MYO16: variants seen among roughly 807,000 people sequenced by gnomAD.
The protein encoded by MYO16 is unconventional myosin-XVI.
A neutral mutation model predicts 205.3 loss-of-function variants in MYO16; 94 were observed. The ratio of observed to expected loss-of-function variants is 0.46; its 90% CI spans 0.39 to 0.54. The LOEUF (loss-of-function observed/expected upper bound fraction) is 0.54, where lower values mean the gene tolerates loss of function less well. Among genes scored for constraint, MYO16 ranks in the 20% least tolerant of loss-of-function variants. The probability of loss-of-function intolerance (pLI) is 0.00; values close to 1 mark genes in which losing one functional copy is unlikely to be tolerated. For synonymous variants in MYO16, 988 were observed against 954.0 expected, an observed-to-expected ratio of 1.04 and a Z score of -0.66; for missense variants, 2,315 against 2,387.5, an observed-to-expected ratio of 0.97 and a Z score of 0.63.
At chr13:108,714,862 C>T (rs1883880099) in intron 3 of MYO16, among the ~76,000 whole-genome samples, 1 of 152,040 alleles carries the variant, frequency 6.6e-6, no homozygotes, top group South Asian at 2.1e-4. Context: ...GAAATAAAGC[C>T]ACACCACCAC....
At chr13:109,053,874 A>T (rs907451900) in intron 25 of MYO16, among the ~76,000 whole-genome samples, 1 of 152,074 alleles carries the variant, frequency 6.6e-6, no homozygotes, top group Non-Finnish European at 1.5e-5. Context: ...TGGCCCAATC[A>T]CTTCATTTTA....
chr13:109,036,453 T>A (rs1031539763), intron 23 of MYO16, among the ~76,000 whole-genome samples: 1 of 152,198 alleles, frequency 6.6e-6, no homozygotes, highest in African/African-American at 2.4e-5. Context: ...ATAATTTATC[T>A]TTTAATTGTA....
intron 2 of MYO16, among the ~76,000 whole-genome samples, chr13:108,689,899 G>C (rs1882824650): frequency 6.6e-6 from 1 of 152,158 alleles, no homozygotes; most frequent in Non-Finnish European, 1.5e-5. Context: ...CTAACAATTT[G>C]TAGTGGGAAC....
At chr13:109,187,312 T>C (rs1471864920) in intron 34 of MYO16, among the ~76,000 whole-genome samples, 1 of 152,182 alleles carries the variant, frequency 6.6e-6, no homozygotes, top group Non-Finnish European at 1.5e-5. Context: ...ATCAATTCTA[T>C]TGATTTTTTT....
intron 4 of MYO16, among the ~76,000 whole-genome samples, chr13:108,777,944 T>C (rs1886175877): frequency 6.6e-6 from 1 of 152,228 alleles, no homozygotes; most frequent in African/African-American, 2.4e-5. Context: ...CATTCAGTAG[T>C]TATTTCCTTT....
At chr13:108,510,686 A>G in the MYO16 span, among the ~76,000 whole-genome samples, 1 of 35,044 alleles carries the variant, frequency 2.9e-5, no homozygotes, top group Non-Finnish European at 5.2e-5. Flanking sequence ...ATGTGATCTC[A>G]TTGTTCAATT....
chr13:109,207,909 G>A lies in MYO16; in HGVS notation c.*1073G>A, dbSNP rs528569202. 1 of 152,316 alleles carries A rather than the reference G, an allele frequency of 6.6e-6. No homozygotes were observed. Among genetic ancestry groups the A allele is most frequent in the South Asian group, 2.1e-4 (1 of 4,824 alleles). The allele number at this position is 152,316 out of a possible 1,614,324, so 9.4% of individuals were successfully genotyped here. ...GGCTGTCGGAAAGTTCTGAGCAGTG[G>A]CTCCAGACCACCTTGTCTTGCTACT... On this transcript the variant is annotated 3_prime_UTR_variant, in exon 35 of 35. Transcript: ENST00000457511.
intron 32 of MYO16, among the ~76,000 whole-genome samples, chr13:109,149,381 A>G (rs1335735492): frequency 6.6e-6 from 1 of 152,066 alleles, no homozygotes; most frequent in Non-Finnish European, 1.5e-5. Context: ...AGGTGTTACC[A>G]TCCCTATTTA....
chr13:108,853,891 G>A (rs1174420359), intron 10 of MYO16, among the ~76,000 whole-genome samples: 9 of 151,116 alleles, frequency 6.0e-5, no homozygotes, highest in Non-Finnish European at 1.3e-4. Flanking sequence ...ATTCTAACTA[G>A]AGTTCATAAA....
At chr13:108,906,703 A>G (rs1009113442) in intron 15 of MYO16, among the ~76,000 whole-genome samples, 1 of 152,230 alleles carries the variant, frequency 6.6e-6, no homozygotes, top group African/African-American at 2.4e-5. Context: ...GAAGGACACT[A>G]GAATAGTGTA....
intron 2 of MYO16, 80 bp downstream of exon 2, chr13:108,666,229 G>GGA: frequency 7.0e-7 from 1 of 1,422,090 alleles, no homozygotes; most frequent in Non-Finnish European, 9.4e-7. Flanking sequence ...TTTTTTTGAT[G>GGA]GAGAGATGGG....
At chr13:109,086,666 G>T (rs1291974559) in intron 27 of MYO16, among the ~76,000 whole-genome samples, 1 of 152,176 alleles carries the variant, frequency 6.6e-6, no homozygotes, top group East Asian at 1.9e-4. Context: ...AATAGTGAAA[G>T]TAAGTCATCA....
At chr13:108,572,880 A>G in the MYO16 span, among the ~76,000 whole-genome samples, 41 of 152,284 alleles carry the variant, frequency 2.7e-4, no homozygotes, top group African/African-American at 7.2e-4. Context: ...CTTCTGTCCA[A>G]CCACAACAAG....
intron 34 of MYO16, among the ~76,000 whole-genome samples, chr13:109,186,323 G>A (rs891931382): frequency 2.6e-5 from 4 of 152,208 alleles, no homozygotes; most frequent in Non-Finnish European, 4.4e-5. Context: ...AGGGACTGAA[G>A]GGCAGGTGTC....
At chr13:109,153,698 G>T (rs1196405221) in intron 32 of MYO16, among the ~76,000 whole-genome samples, 1 of 152,182 alleles carries the variant, frequency 6.6e-6, no homozygotes, top group East Asian at 1.9e-4. Context: ...GGTGGAGGTT[G>T]CAGTGAGCCG....
chr13:108,534,876 C>CTCCTCT, the MYO16 span, among the ~76,000 whole-genome samples: 1 of 148,974 alleles, frequency 6.7e-6, no homozygotes, highest in African/African-American at 2.5e-5. Flanking sequence ...TCTTCTCCTT[C>CTCCTCT]TTCTTCTTCT....
chr13:108,942,611 T>C (rs1434417468), intron 16 of MYO16, among the ~76,000 whole-genome samples: 2 of 152,220 alleles, frequency 1.3e-5, no homozygotes, highest in Non-Finnish European at 2.9e-5. Flanking sequence ...TAAAATGTGG[T>C]ATATGTATAT....
chr13:108,717,220 T>C lies in MYO16; in HGVS notation c.363+4489T>C, dbSNP rs143990014. Among the ~76,000 whole-genome samples the C allele has an allele frequency of 2.5e-3, 384 of 152,304 alleles. 2 individuals are homozygous for C. The highest frequency in any genetic ancestry group is 8.8e-3 in the African/African-American group (367 of 41,572). ...TAACTGAACCCTCCACCTCAGACTA[T>C]AGCCAAGCTCAGGTGAAATATATTA... is the stretch of plus-strand genomic sequence containing the variant. On this transcript the variant is annotated intron_variant, in intron 3 of 34. Coordinates refer to ENST00000457511, the MANE Select transcript of MYO16 (RefSeq NM_001198950.3).
chr13:108,997,290 C>CAGAAAGAAAGAAAGAA (rs1200455422), intron 21 of MYO16, among the ~76,000 whole-genome samples: 1 of 82,836 alleles, frequency 1.2e-5, no homozygotes, highest in African/African-American at 4.8e-5. Flanking sequence ...CAAGACCATG[C>CAGAAAGAAAGAAAGAA]AGAAAGAAAG....
Sources: allele counts gnomAD v4.1 joint callset (sites outside exome capture counted in the v4.1 genomes callset), GRCh38; gene constraint gnomAD v4.1.1; transcripts MANE v1.5; gene names NCBI Gene and HGNC (gene_info 2026-07-23, HGNC 2026-07-21).